The following SKAP2 variants were observed in gnomAD, a reference collection of about 807,000 sequenced individuals.
SKAP2 encodes src kinase associated phosphoprotein 2, also known as src kinase-associated phosphoprotein 2.
SKAP2 carries 28 observed loss-of-function variants against 54.9 expected under a neutral mutation model. That is an observed-to-expected ratio of 0.51 (90% CI 0.38 to 0.70). The LOEUF (loss-of-function observed/expected upper bound fraction) is 0.70, where lower values mean the gene tolerates loss of function less well. SKAP2 is among the 30% of genes least tolerant of loss of function. SKAP2 has a pLI of 0.00. For missense variants in SKAP2, 356 were observed against 424.1 expected, an observed-to-expected ratio of 0.84 and a Z score of 1.41; for synonymous variants, 137 against 134.3, an observed-to-expected ratio of 1.02 and a Z score of -0.14.
intron 6 of SKAP2, among the ~76,000 whole-genome samples, chr7:26,727,537 C>G (rs1191498224): frequency 6.6e-6 from 1 of 151,762 alleles, no homozygotes; most frequent in Non-Finnish European, 1.5e-5. Flanking sequence ...CTAAACTACT[C>G]ATGACGAAAA....
rs913893751 is a variant in SKAP2, at chr7:26,844,035, G to C, written c.302C>G (p.Ser101Cys). ...ERYDKDDEAP[S>C]DGAQFPPIAA... ...CGTGGGAAAATGTCACATACCATCA[G>C]AGGGGGCTTCATCGTCTTTATCATA... Residue 101 changes from serine to cysteine, a missense_variant, in exon 4 of 13, where the codon TCT becomes TGT. Ser to Cys is a moderately radical substitution (Grantham distance 112). Coordinates refer to ENST00000345317, the MANE Select transcript of SKAP2 (RefSeq NM_003930.5). The C allele has an allele frequency of 2.5e-6, 4 of 1,594,196 alleles. No individual in the cohort carries two copies. The highest frequency in any genetic ancestry group is 3.4e-6 in the Non-Finnish European group (4 of 1,162,218).
chr7:26,732,218 A>G (rs114008594), intron 6 of SKAP2, among the ~76,000 whole-genome samples: 4,063 of 152,236 alleles, frequency 0.027, 176 homozygotes, highest in African/African-American at 0.092. Flanking sequence ...GGATCAAGAG[A>G]GGGTTCAGAA....
rs574072209 is a variant in SKAP2, at chr7:26,739,914, C to G, written c.358G>C (p.Ala120Pro). 9 of 1,611,760 alleles carry G rather than the reference C, an allele frequency of 5.6e-6. No individual in the cohort carries two copies. The highest frequency in any genetic ancestry group is 5.9e-6 in the Non-Finnish European group (7 of 1,179,240). The change falls in exon 5 of 13, where the codon GCT becomes CCT. Residue 120 changes from alanine (A) to proline (P), a missense_variant. By Grantham distance (27) the Ala-to-Pro change is conservative. Transcript: ENST00000345317. ...AAQDLPFVLK[A>P]GYLEKRRKDH... The stretch of plus-strand genomic sequence containing the variant: ...TTTCTGCGTTTTTCAAGGTAGCCAG[C>G]CTTTAGAACAAAAGGAAGGTCTTGT...
intron 4 of SKAP2, among the ~76,000 whole-genome samples, chr7:26,795,704 G>T (rs1783761375): frequency 6.6e-6 from 1 of 152,146 alleles, no homozygotes; most frequent in South Asian, 2.1e-4. Flanking sequence ...AAAATGATAA[G>T]GGAAGCAGGC....
intron 6 of SKAP2, among the ~76,000 whole-genome samples, chr7:26,736,201 T>C (rs1185280874): frequency 1.3e-5 from 2 of 152,098 alleles, no homozygotes; most frequent in Non-Finnish European, 2.9e-5. Flanking sequence ...CATGATGAGA[T>C]AGGAGGTTGG....
intron 1 of SKAP2, chr7:26,855,111 T>C (rs1785132454): frequency 1.2e-5 from 4 of 327,192 alleles, no homozygotes; most frequent in Admixed American, 4.7e-5. Flanking sequence ...GTTCTACTTA[T>C]GCTTACCACA....
intron 5 of SKAP2, among the ~76,000 whole-genome samples, chr7:26,739,538 G>A (rs888586195): frequency 1.3e-5 from 2 of 152,140 alleles, no homozygotes; most frequent in African/African-American, 4.8e-5. Context: ...TGCCAGTTTG[G>A]GCATAGGAGA....
At chr7:26,789,676 T>C (rs1304514230) in intron 4 of SKAP2, among the ~76,000 whole-genome samples, 1 of 152,220 alleles carries the variant, frequency 6.6e-6, no homozygotes, top group African/African-American at 2.4e-5. Context: ...CTTAACCATC[T>C]GTCAACTGGC....
At chr7:26,693,700 T>C (rs1450207111) in intron 9 of SKAP2, among the ~76,000 whole-genome samples, 1 of 152,236 alleles carries the variant, frequency 6.6e-6, no homozygotes, top group Non-Finnish European at 1.5e-5. Context: ...GAGATGCTCA[T>C]TAAGGACACT....
intron 4 of SKAP2, among the ~76,000 whole-genome samples, chr7:26,758,193 G>C (rs575243721): frequency 7.2e-5 from 11 of 152,214 alleles, no homozygotes; most frequent in Admixed American, 2.6e-4. Flanking sequence ...CTTCTAGGGA[G>C]TGTAGGGAAT....
chr7:26,690,516 G>A (rs1290455481), intron 9 of SKAP2, among the ~76,000 whole-genome samples, 154 bp from the exon 10 acceptor site: 1 of 152,066 alleles, frequency 6.6e-6, no homozygotes, highest in South Asian at 2.1e-4. Flanking sequence ...GTCCTTTTTC[G>A]ACAATCTAAC....
intron 4 of SKAP2, among the ~76,000 whole-genome samples, chr7:26,837,309 A>C (rs996950296): frequency 1.3e-5 from 2 of 152,082 alleles, no homozygotes; most frequent in Non-Finnish European, 1.5e-5. Context: ...CGCTCTGCAC[A>C]TGTACCCCAG....
intron 11 of SKAP2, among the ~76,000 whole-genome samples, chr7:26,681,684 T>C (rs1221431813): frequency 6.6e-6 from 1 of 152,228 alleles, no homozygotes; most frequent in Non-Finnish European, 1.5e-5. Context: ...GAAAGCTGCA[T>C]ATCTTTAAAA....
At chr7:26,691,177 T>C (rs1786772066) in intron 9 of SKAP2, among the ~76,000 whole-genome samples, 1 of 152,220 alleles carries the variant, frequency 6.6e-6, no homozygotes, top group Admixed American at 6.5e-5. Context: ...ATATAATCAG[T>C]GCTCCATTTA....
intron 4 of SKAP2, among the ~76,000 whole-genome samples, chr7:26,812,987 C>T (rs993552856): frequency 1.3e-5 from 2 of 152,082 alleles, no homozygotes; most frequent in Non-Finnish European, 2.9e-5. Flanking sequence ...TAAGTTCATT[C>T]CTGTGAGAAC....
At chr7:26,813,741 T>G (rs954764894) in intron 4 of SKAP2, among the ~76,000 whole-genome samples, 1 of 152,338 alleles carries the variant, frequency 6.6e-6, no homozygotes, top group African/African-American at 2.4e-5. Flanking sequence ...CATCAACCAA[T>G]GGCAATAGCA....
intron 3 of SKAP2, among the ~76,000 whole-genome samples, chr7:26,848,614 C>T (rs1476298777): frequency 6.6e-6 from 1 of 152,058 alleles, no homozygotes; most frequent in Non-Finnish European, 1.5e-5. Flanking sequence ...TAAACCTGTA[C>T]CTAAAATCTG....
chr7:26,696,185 C>A (rs1786890611), intron 9 of SKAP2, among the ~76,000 whole-genome samples: 2 of 152,084 alleles, frequency 1.3e-5, no homozygotes. Context: ...TTCTAAAGGA[C>A]TGTTCTGTCT....
chr7:26,739,984 G>GAA lies in SKAP2; in HGVS notation c.308-22_308-21dup, dbSNP rs778142041. 162 of 1,338,504 alleles carry GAA rather than the reference G, an allele frequency of 1.2e-4. No individual in the cohort carries two copies. The highest frequency in any genetic ancestry group is 1.5e-4 in the Non-Finnish European group (144 of 990,160). The allele number at this position is 1,338,504 out of a possible 1,614,324, so 82.9% of individuals were successfully genotyped here. A position where few individuals can be genotyped will look rare whatever the true frequency, so the allele number is the denominator to read the frequency against. ...GGGCTCCTATGAGAAGTTGGGGAGA[G>GAA]AAAAAAAAAAGCAGTGGGTAATCCA... On this transcript the variant is annotated intron_variant, in intron 4 of 12. Transcript: ENST00000345317.
Sources: allele counts gnomAD v4.1 joint callset (sites outside exome capture counted in the v4.1 genomes callset), GRCh38; gene constraint gnomAD v4.1.1; transcripts MANE v1.5; gene names NCBI Gene and HGNC (gene_info 2026-07-23, HGNC 2026-07-21).